The following TRHDE variants were observed in gnomAD, a reference collection of about 807,000 sequenced individuals.
The protein encoded by TRHDE is thyrotropin-releasing hormone-degrading ectoenzyme.
TRHDE carries 72 observed loss-of-function variants against 125.7 expected under a neutral mutation model. The observed-to-expected ratio is 0.57, with a 90% CI of 0.47 to 0.70. The LOEUF (loss-of-function observed/expected upper bound fraction) is 0.70, where lower values mean the gene tolerates loss of function less well. Ranked by LOEUF, TRHDE falls within the 30% of genes least tolerant of loss-of-function variation. The pLI, the probability that TRHDE is intolerant of heterozygous loss-of-function variation, is 0.00. For missense variants in TRHDE, 1,110 were observed against 1,327.1 expected, an observed-to-expected ratio of 0.84 and a Z score of 2.54; for synonymous variants, 509 against 509.1, an observed-to-expected ratio of 1.00 and a Z score of 0.00.
intron 5 of TRHDE, among the ~76,000 whole-genome samples, chr12:72,482,622 C>G (rs1877223750): frequency 1.3e-5 from 2 of 151,836 alleles, no homozygotes; most frequent in African/African-American, 2.4e-5. Context: ...AGATAGGTTA[C>G]TTAAATAGCA....
At chr12:72,539,298 A>G (rs932523290) in intron 6 of TRHDE, among the ~76,000 whole-genome samples, 4 of 151,896 alleles carry the variant, frequency 2.6e-5, no homozygotes, top group African/African-American at 9.7e-5. Context: ...TAGGATACCA[A>G]ACATACCACC....
chr12:72,215,422 T>A (rs1363372524), intron 2 of TRHDE, among the ~76,000 whole-genome samples: 2 of 152,190 alleles, frequency 1.3e-5, no homozygotes, highest in Non-Finnish European at 2.9e-5. Flanking sequence ...TCACAGGGGA[T>A]GCGATGGCTT....
intron 7 of TRHDE, among the ~76,000 whole-genome samples, chr12:72,550,379 C>A (rs1869619320): frequency 6.6e-6 from 1 of 151,954 alleles, no homozygotes; most frequent in South Asian, 2.1e-4. Flanking sequence ...TTTTCTGTAA[C>A]CTACTTAGCT....
At chr12:72,214,998 T>C (rs1877855509) in intron 2 of TRHDE, among the ~76,000 whole-genome samples, 1 of 152,158 alleles carries the variant, frequency 6.6e-6, no homozygotes, top group Admixed American at 6.5e-5. Flanking sequence ...TTCTTTGTGT[T>C]AGGTGCATTG....
intron 3 of TRHDE, among the ~76,000 whole-genome samples, chr12:72,442,052 T>C (rs952699587): frequency 3.3e-5 from 5 of 151,782 alleles, no homozygotes; most frequent in Non-Finnish European, 7.4e-5. Context: ...TAGAGTAACA[T>C]TTCACCTTGT....
chr12:72,380,734 GCTTCCTTCCTTCCTTCCTTCCTTCCTTC>G (rs1227111391), intron 3 of TRHDE, among the ~76,000 whole-genome samples: 1 of 82,078 alleles, frequency 1.2e-5, no homozygotes, highest in African/African-American at 6.6e-5. Context: ...TTCCTTCCTT[GCTTCCTTCCTTCCTTCCTTCCTTCCTTC>G]CTTGCTTCCT....
chr12:72,639,062 A>G (rs1260245324), intron 15 of TRHDE, among the ~76,000 whole-genome samples: 4 of 150,062 alleles, frequency 2.7e-5, no homozygotes, highest in East Asian at 3.9e-4. Context: ...GCCTTGCTAG[A>G]TTGGGGAAGT....
intron 1 of TRHDE, among the ~76,000 whole-genome samples, chr12:72,278,606 A>C (rs1335578119): frequency 6.6e-6 from 1 of 152,140 alleles, no homozygotes; most frequent in Non-Finnish European, 1.5e-5. Context: ...CCTTGCTAAC[A>C]GTTGTTATCT....
In TRHDE at chr12:72,556,765, G is replaced by A. The variant is rs576138710; in HGVS notation, c.1789-5400G>A. On this transcript the variant is annotated intron_variant, in intron 7 of 18. Transcript: ENST00000261180. ...AATGCACACTACAAATTTTTTTGAG[G>A]TACAATTATTCTTGATAGAAAGCAA... Among the ~76,000 whole-genome samples the A allele has an allele frequency of 2.2e-3, 335 of 152,264 alleles. 2 individuals are homozygous for A. The highest frequency in any genetic ancestry group is 7.5e-3 in the African/African-American group (313 of 41,548).
At chr12:72,403,858 A>AGAGTG (rs1873149780) in intron 3 of TRHDE, among the ~76,000 whole-genome samples, 1 of 152,206 alleles carries the variant, frequency 6.6e-6, no homozygotes, top group Admixed American at 6.5e-5. Flanking sequence ...ATGGGGGCTC[A>AGAGTG]GAGTGGAGTG....
intron 6 of TRHDE, among the ~76,000 whole-genome samples, chr12:72,528,443 TG>T (rs1868382414): frequency 6.6e-6 from 1 of 152,262 alleles, no homozygotes; most frequent in Non-Finnish European, 1.5e-5. Flanking sequence ...TTCTACAGCC[TG>T]TTACTCACAA....
chr12:72,275,618 C>T (rs1879458505), intron 1 of TRHDE, among the ~76,000 whole-genome samples: 1 of 152,174 alleles, frequency 6.6e-6, no homozygotes, highest in Non-Finnish European at 1.5e-5. Context: ...ATACATCTTG[C>T]TGCAGTGAAA....
chr12:72,136,407 T>C (rs962405289), intron 2 of TRHDE, among the ~76,000 whole-genome samples: 2 of 152,218 alleles, frequency 1.3e-5, no homozygotes, highest in African/African-American at 4.8e-5. Flanking sequence ...TACATTGAAA[T>C]GATATGAAGC....
intron 2 of TRHDE, among the ~76,000 whole-genome samples, chr12:72,291,733 T>A (rs909744129): frequency 1.3e-5 from 2 of 152,224 alleles, no homozygotes; most frequent in Non-Finnish European, 2.9e-5. Flanking sequence ...TAGAGGTGAT[T>A]TAAAGTATAC....
chr12:72,668,333 C>T lies in TRHDE; in HGVS notation c.*5138C>T, dbSNP rs1875170902. ...TTAAAAATATATGTTCTAATGTTAA[C>T]TATATGACATATATGCCATTGCATG... On this transcript the variant is annotated 3_prime_UTR_variant, in exon 19 of 19. Transcript: ENST00000261180. 6.6e-6 allele frequency: 1 copy of T among 151,624 alleles called. No homozygotes were observed. Among genetic ancestry groups the T allele is most frequent in the African/African-American group, 2.4e-5 (1 of 41,380 alleles). 9.4% of individuals were successfully genotyped at this position (151,624 alleles called of 1,614,324 possible). A position where few individuals can be genotyped will look rare whatever the true frequency, so the allele number is the denominator to read the frequency against.
intron 3 of TRHDE, among the ~76,000 whole-genome samples, chr12:72,464,108 GC>G (rs1416064401): frequency 1.3e-5 from 2 of 152,106 alleles, no homozygotes; most frequent in African/African-American, 2.4e-5. Flanking sequence ...ACACAAGGAG[GC>G]CCAGCACACT....
chr12:72,647,236 A>G (rs1319157086), intron 15 of TRHDE, among the ~76,000 whole-genome samples: 1 of 152,104 alleles, frequency 6.6e-6, no homozygotes, highest in African/African-American at 2.4e-5. Context: ...AGTCAAGAAG[A>G]AATCCAAAAG....
intron 15 of TRHDE, among the ~76,000 whole-genome samples, chr12:72,643,680 A>G (rs764805932): frequency 3.9e-5 from 6 of 152,138 alleles, no homozygotes; most frequent in Non-Finnish European, 8.8e-5. Flanking sequence ...TGCTCTGCAT[A>G]TGACCAGCTT....
intron 2 of TRHDE, chr12:72,253,848 T>C (rs1270877143): frequency 6.6e-6 from 1 of 152,074 alleles, no homozygotes; most frequent in East Asian, 1.9e-4. Flanking sequence ...ATTTGGGGGC[T>C]TATGATGATG....
Sources: gnomAD v4.1 joint callset for allele counts (sites outside exome capture counted in the v4.1 genomes callset) on GRCh38, gnomAD v4.1.1 for gene constraint, MANE v1.5 for transcripts, NCBI Gene and HGNC (gene_info 2026-07-23, HGNC 2026-07-21) for gene names.